The following RARB variants were observed in gnomAD, a reference collection of about 807,000 sequenced individuals.
RARB encodes HBV-activated protein.
RARB carries 17 observed loss-of-function variants against 51.9 expected under a neutral mutation model. The observed-to-expected ratio is 0.33, with a 90% confidence interval of 0.22 to 0.49. RARB has a LOEUF of 0.49. Ranked by LOEUF, RARB falls within the 20% of genes least tolerant of loss-of-function variation. The pLI is 0.99. For synonymous variants in RARB, 215 were observed against 195.4 expected, an observed-to-expected ratio of 1.10 and a Z score of -0.84; for missense variants, 369 against 550.8, an observed-to-expected ratio of 0.67 and a Z score of 3.30.
At chr3:25,046,706 C>G (rs768827416) in intron 2 of RARB, among the ~76,000 whole-genome samples, 1 of 152,118 alleles carries the variant, frequency 6.6e-6, no homozygotes, top group Non-Finnish European at 1.5e-5. Flanking sequence ...CCTCCCACCT[C>G]GGCCTCCCAA....
chr3:25,590,762 T>C (rs56254120), intron 5 of RARB, among the ~76,000 whole-genome samples: 36,540 of 152,142 alleles, frequency 0.24, 4,636 homozygotes, highest in African/African-American at 0.33. Flanking sequence ...GCAGATGATC[T>C]ATCCGCCTTG....
chr3:24,937,584 A>G (rs1575080491), intron 2 of RARB, among the ~76,000 whole-genome samples: 1 of 152,158 alleles, frequency 6.6e-6, no homozygotes, highest in East Asian at 1.9e-4. Context: ...GCAAACAAGC[A>G]AAGCAGTAGC....
At chr3:24,857,699 G>C (rs1006303891) in intron 1 of RARB, among the ~76,000 whole-genome samples, 2 of 152,260 alleles carry the variant, frequency 1.3e-5, no homozygotes, top group Middle Eastern at 6.8e-3. Context: ...GTGGATCATT[G>C]AGCGTAGGAG....
chr3:25,393,743 G>A lies in RARB; in HGVS notation c.179-67450G>A, dbSNP rs1271214172. Among the ~76,000 whole-genome samples the A allele has an allele frequency of 2.6e-5, 4 of 152,102 alleles. No homozygotes were observed. The East Asian group carries it at 7.7e-4, about 29-fold the overall frequency. Reference sequence around the variant, plus strand: ...TTGAATGATCTTTTGTATTTCTGTGGTATACATTGTAATAGCTTCTGTTTC... The same window carrying A: ...TTGAATGATCTTTTGTATTTCTGTGATATACATTGTAATAGCTTCTGTTTC... On this transcript the variant is annotated intron_variant, in intron 5 of 11. Transcript: ENST00000383772.
At chr3:25,136,471 T>C (rs960246780) in intron 4 of RARB, among the ~76,000 whole-genome samples, 1 of 152,044 alleles carries the variant, frequency 6.6e-6, no homozygotes, top group African/African-American at 2.4e-5. Context: ...ATCTATTTTA[T>C]GTTTTGTAAA....
At chr3:24,983,536 C>T (rs1357685464) in intron 2 of RARB, among the ~76,000 whole-genome samples, 1 of 152,080 alleles carries the variant, frequency 6.6e-6, no homozygotes, top group Non-Finnish European at 1.5e-5. Context: ...CTCCCCTTGC[C>T]CCCTACCCCC....
chr3:25,204,866 G>A (rs1263876066), intron 5 of RARB, among the ~76,000 whole-genome samples: 1 of 152,106 alleles, frequency 6.6e-6, no homozygotes, highest in Non-Finnish European at 1.5e-5. Flanking sequence ...AGGCTACTCG[G>A]GGGTCAGGGA....
rs1451747643 is a variant in RARB at position 25,029,826 on chromosome 3, C to G, written c.-379-30299C>G. ...CATCCAAATGGGAAAAGGAAATTAA[C>G]ATGGGACAGAGTAGAAGTCAGAAAT... On this transcript the variant is annotated intron_variant, in intron 2 of 11. Coordinates refer to the RARB transcript ENST00000383772. 2.0e-5 allele frequency among the ~76,000 whole-genome samples: 3 copies of G among 152,324 alleles called. No homozygotes were observed. The South Asian group carries it at 6.2e-4, about 32-fold the overall frequency.
At chr3:25,538,512 T>C (rs1394830087) in intron 3 of RARB, among the ~76,000 whole-genome samples, 2 of 152,184 alleles carry the variant, frequency 1.3e-5, no homozygotes, top group Non-Finnish European at 2.9e-5. Flanking sequence ...CAAAGTATGG[T>C]CCATGGACCA....
intron 3 of RARB, among the ~76,000 whole-genome samples, chr3:25,547,191 G>A (rs920724755): frequency 6.6e-6 from 1 of 152,134 alleles, no homozygotes; most frequent in Non-Finnish European, 1.5e-5. Context: ...GCCTGGGAGA[G>A]TTTGAACCCA....
intron 5 of RARB, among the ~76,000 whole-genome samples, chr3:25,196,183 G>A (rs1173999422): frequency 6.6e-6 from 1 of 151,778 alleles, no homozygotes. Flanking sequence ...AATTCATCAT[G>A]TACATTAGGT....
At chr3:25,262,719 C>A (rs1355698521) in intron 5 of RARB, among the ~76,000 whole-genome samples, 2 of 152,306 alleles carry the variant, frequency 1.3e-5, no homozygotes, top group East Asian at 1.9e-4. Context: ...CCAGGAGAAT[C>A]TTCCTATCTT....
chr3:25,290,026 C>G (rs1216000723), intron 5 of RARB, among the ~76,000 whole-genome samples: 5 of 152,128 alleles, frequency 3.3e-5, no homozygotes, highest in Non-Finnish European at 5.9e-5. Context: ...AAATCCCCCT[C>G]TCAGTCCTTG....
chr3:25,093,621 G>A (rs1021247301), intron 3 of RARB, among the ~76,000 whole-genome samples: 10 of 152,102 alleles, frequency 6.6e-5, no homozygotes, highest in African/African-American at 2.4e-4. Context: ...GGAGGTCACA[G>A]GTTTGCAACT....
intron 1 of RARB, among the ~76,000 whole-genome samples, chr3:24,844,654 C>T (rs1245556697): frequency 6.6e-6 from 1 of 152,292 alleles, no homozygotes; most frequent in South Asian, 2.1e-4. Context: ...TGACCTTGGG[C>T]AAATCAAATA....
chr3:25,153,990 C>T (rs920629572), intron 4 of RARB, among the ~76,000 whole-genome samples: 1 of 152,190 alleles, frequency 6.6e-6, no homozygotes, highest in African/African-American at 2.4e-5. Context: ...ATGAAGAATG[C>T]AGAGAATTCA....
chr3:25,373,981 T>G (rs953848517), intron 5 of RARB, among the ~76,000 whole-genome samples: 2 of 152,060 alleles, frequency 1.3e-5, no homozygotes, highest in African/African-American at 4.8e-5. Flanking sequence ...AAAAGCAAAA[T>G]AAAATGAGGG....
At chr3:25,292,687 G>A (rs1703818644) in intron 5 of RARB, among the ~76,000 whole-genome samples, 1 of 152,122 alleles carries the variant, frequency 6.6e-6, no homozygotes, top group African/African-American at 2.4e-5. Context: ...CCAGAAGCTA[G>A]ACTCCTCAGG....
chr3:24,845,824 A>T (rs2125332679), intron 1 of RARB, among the ~76,000 whole-genome samples: 1 of 152,286 alleles, frequency 6.6e-6, no homozygotes, highest in East Asian at 1.9e-4. Context: ...GCCAGCAATT[A>T]ATCCAGAGTC....
Sources: gnomAD v4.1 joint callset for allele counts (sites outside exome capture counted in the v4.1 genomes callset) on GRCh38, gnomAD v4.1.1 for gene constraint, MANE v1.5 for transcripts, NCBI Gene and HGNC (gene_info 2026-07-23, HGNC 2026-07-21) for gene names.